Variants in DGKB observed in about 807,000 individuals in gnomAD.
DGKB encodes the protein diacylglycerol kinase beta.
Under a neutral mutation model 114.3 loss-of-function variants are expected in DGKB, and 67 were observed. The ratio of observed to expected loss-of-function variants is 0.59; its 90% confidence interval spans 0.48 to 0.72. The LOEUF (loss-of-function observed/expected upper bound fraction) is 0.72, where lower values mean the gene tolerates loss of function less well. Among genes scored for constraint, DGKB ranks in the 30% least tolerant of loss-of-function variants. The pLI, the probability that DGKB is intolerant of heterozygous loss-of-function variation, is 0.00. For missense variants in DGKB, 907 were observed against 975.2 expected (o/e 0.93, Z 0.93); for synonymous variants, 398 against 323.1 (o/e 1.23, Z -2.49).
chr7:14,565,551 C>T (rs1339100153), intron 20 of DGKB, among the ~76,000 whole-genome samples: 2 of 152,138 alleles, frequency 1.3e-5, no homozygotes, highest in East Asian at 3.9e-4. Flanking sequence ...ACATGCACCT[C>T]AAACTGAGCA....
At chr7:14,518,788 CTATAGGAATT>C (rs1207955544) in intron 20 of DGKB, among the ~76,000 whole-genome samples, 1 of 151,986 alleles carries the variant, frequency 6.6e-6, no homozygotes, top group Non-Finnish European at 1.5e-5. Flanking sequence ...AATTCTATTA[CTATAGGAATT>C]TATAGGAATG....
intron 20 of DGKB, among the ~76,000 whole-genome samples, chr7:14,510,627 C>T (rs1372637378): frequency 2.0e-5 from 3 of 152,080 alleles, no homozygotes; most frequent in South Asian, 2.1e-4. Flanking sequence ...ATTTTGACCT[C>T]CTCCCAAGAA....
intron 23 of DGKB, among the ~76,000 whole-genome samples, chr7:14,201,629 G>A (rs1207037995): frequency 1.3e-5 from 2 of 151,884 alleles, no homozygotes; most frequent in African/African-American, 4.8e-5. Context: ...AAAATCCTGG[G>A]GGAAAAGCAA....
At chr7:14,687,058 T>G (rs1026482916) in intron 9 of DGKB, among the ~76,000 whole-genome samples, 2 of 152,126 alleles carry the variant, frequency 1.3e-5, no homozygotes, top group Admixed American at 6.5e-5. Context: ...TTAGTTTTCT[T>G]AAGTCAGGGT....
At chr7:14,334,867 T>C (rs1810394725) in intron 23 of DGKB, among the ~76,000 whole-genome samples, 1 of 152,176 alleles carries the variant, frequency 6.6e-6, no homozygotes, top group South Asian at 2.1e-4. Context: ...GAAGACTAAT[T>C]TGGCCTAGTT....
chr7:14,601,813 C>T (rs921696397), intron 17 of DGKB, among the ~76,000 whole-genome samples: 4 of 152,282 alleles, frequency 2.6e-5, no homozygotes, highest in East Asian at 3.9e-4. Flanking sequence ...TCCCCATTTT[C>T]GTATGAAACC....
At chr7:14,185,388 C>G (rs1347284557) in intron 23 of DGKB, among the ~76,000 whole-genome samples, 2 of 152,136 alleles carry the variant, frequency 1.3e-5, no homozygotes, top group Admixed American at 1.3e-4. Flanking sequence ...AATGGAAACA[C>G]ATTCCATGCT....
intron 20 of DGKB, among the ~76,000 whole-genome samples, chr7:14,526,634 G>C (rs558873193): frequency 3.3e-5 from 5 of 152,274 alleles, no homozygotes; most frequent in African/African-American, 9.6e-5. Context: ...AGATATGTAA[G>C]AGAGTGCCAT....
chr7:14,702,608 T>G (rs966179082), intron 6 of DGKB, among the ~76,000 whole-genome samples: 1 of 152,100 alleles, frequency 6.6e-6, no homozygotes, highest in African/African-American at 2.4e-5. Context: ...CATTTTGAGA[T>G]AAATAGAGAA....
chr7:14,581,057 A>G lies in DGKB; in HGVS notation c.1520-106T>C, dbSNP rs1563577525. On this transcript the variant is annotated intron_variant, in intron 18 of 25. Transcript: ENST00000402815. ...ATTAAATGAAGGAATTCCAATAGGT[A>G]CTCATAAACAAAACATAATTGTAGT... The G allele has an allele frequency of 5.1e-6, 3 of 590,608 alleles. No homozygotes were observed. The African/African-American group carries it at 5.6e-5, about 11-fold the overall frequency. The allele number at this position is 590,608 out of a possible 1,614,324, so 36.6% of individuals were successfully genotyped here. A position where few individuals can be genotyped will look rare whatever the true frequency, so the allele number is the denominator to read the frequency against.
chr7:14,705,863 G>A (rs1237699867), intron 6 of DGKB, among the ~76,000 whole-genome samples: 1 of 152,002 alleles, frequency 6.6e-6, no homozygotes, highest in East Asian at 1.9e-4. Flanking sequence ...GCAAAATCAT[G>A]CCAAAATGTA....
At chr7:14,650,166 T>C in intron 13 of DGKB, among the ~76,000 whole-genome samples, 1 of 133,220 alleles carries the variant, frequency 7.5e-6, no homozygotes, top group Non-Finnish European at 1.6e-5. Context: ...TCTACAGAAC[T>C]CTCCACCCCA....
At chr7:14,445,207 A>G (rs1830571877) in intron 21 of DGKB, among the ~76,000 whole-genome samples, 1 of 151,832 alleles carries the variant, frequency 6.6e-6, no homozygotes, top group African/African-American at 2.4e-5. Flanking sequence ...GTATAGAGTA[A>G]AAACTTTCAA....
In DGKB at chr7:14,285,033, TAA is replaced by T. The variant is rs5882438; in HGVS notation, c.2122+53480_2122+53481del. Among the ~76,000 whole-genome samples, 173 of 151,742 alleles carry T rather than the reference TAA, an allele frequency of 1.1e-3. 3 individuals carry two copies. The Middle Eastern group carries it at 0.027, about 24-fold the overall frequency. ...TAATAATAAAAAAATAAAAAAATAATAAAAAAAAGAAATGTATTGGAAAATTA... is the reference window on the plus strand; with the variant it reads ...TAATAATAAAAAAATAAAAAAATAATAAAAAAGAAATGTATTGGAAAATTA... On this transcript the variant is annotated intron_variant, in intron 23 of 25. Coordinates refer to ENST00000402815, the MANE Select transcript of DGKB (RefSeq NM_001350709.2).
At chr7:14,889,088 G>A (rs1425021647) in intron 1 of DGKB, among the ~76,000 whole-genome samples, 1 of 151,636 alleles carries the variant, frequency 6.6e-6, no homozygotes, top group East Asian at 1.9e-4. Flanking sequence ...GGCTGTTCAG[G>A]TTCCAGCATT....
At chr7:14,895,021 C>A (rs1781887544) in intron 1 of DGKB, among the ~76,000 whole-genome samples, 1 of 151,544 alleles carries the variant, frequency 6.6e-6, no homozygotes, top group Non-Finnish European at 1.5e-5. Context: ...CAAAATGACT[C>A]ATCAGCTTTT....
At chr7:14,683,614 T>C (rs1390692869) in intron 10 of DGKB, among the ~76,000 whole-genome samples, 1 of 152,124 alleles carries the variant, frequency 6.6e-6, no homozygotes, top group Non-Finnish European at 1.5e-5. Context: ...TAATAAAATG[T>C]TGGTTCCAGA....
intron 1 of DGKB, among the ~76,000 whole-genome samples, chr7:14,914,512 C>T: frequency 6.6e-6 from 1 of 152,022 alleles, no homozygotes; most frequent in Non-Finnish European, 1.5e-5. Flanking sequence ...TTAAGTACAA[C>T]CCTCACTCCT....
At chr7:14,562,180 C>A (rs1262331254) in intron 20 of DGKB, among the ~76,000 whole-genome samples, 1 of 152,190 alleles carries the variant, frequency 6.6e-6, no homozygotes, top group Non-Finnish European at 1.5e-5. Flanking sequence ...TGGTGTTGAG[C>A]CTGCAGGTAC....
Sources: allele counts gnomAD v4.1 joint callset (sites outside exome capture counted in the v4.1 genomes callset), GRCh38; gene constraint gnomAD v4.1.1; transcripts MANE v1.5; gene names NCBI Gene and HGNC (gene_info 2026-07-23, HGNC 2026-07-21).